RLN2: variants seen among roughly 807,000 people sequenced by gnomAD.
RLN2 encodes prorelaxin H2.
RLN2 carries 10 observed loss-of-function variants against 7.3 expected under a neutral mutation model. The ratio of observed to expected loss-of-function variants is 1.36; its 90% CI spans 0.84 to 2.31. RLN2 has a LOEUF of 2.31. Among genes scored for constraint, RLN2 ranks in the 30% most tolerant of loss-of-function variants. The pLI, the probability that RLN2 is intolerant of heterozygous loss-of-function variation, is 0.00. For synonymous variants in RLN2, 103 were observed against 82.3 expected (o/e 1.25, Z -1.36); for missense variants, 298 against 217.6 (o/e 1.37, Z -2.32).
At chr9:5,328,897 C>T in the RLN2 span, among the ~76,000 whole-genome samples, 9 of 152,110 alleles carry the variant, frequency 5.9e-5, no homozygotes, top group Non-Finnish European at 8.8e-5. Flanking sequence ...GATTTTGTCA[C>T]CATCAGGGCT....
chr9:5,311,900 T>C, the RLN2 span, among the ~76,000 whole-genome samples: 1 of 152,000 alleles, frequency 6.6e-6, no homozygotes, highest in Non-Finnish European at 1.5e-5. Context: ...TATGTATACA[T>C]GTGCCATGCT....
chr9:5,334,800 G>T, the RLN2 span, among the ~76,000 whole-genome samples: 1 of 152,148 alleles, frequency 6.6e-6, no homozygotes, highest in South Asian at 2.1e-4. Context: ...CCAAACTGAT[G>T]GTTTGCAATG....
At chr9:5,332,637 T>C in the RLN2 span, among the ~76,000 whole-genome samples, 1 of 151,256 alleles carries the variant, frequency 6.6e-6, no homozygotes, top group Admixed American at 6.6e-5. Context: ...TTTTTTTTAA[T>C]GTGATACAGT....
intron 1 of RLN2, among the ~76,000 whole-genome samples, chr9:5,301,218 G>A (rs1816121971): frequency 6.6e-6 from 1 of 152,192 alleles, no homozygotes; most frequent in Admixed American, 6.5e-5. Context: ...TGCAAGATCT[G>A]TGTGTCTCCT....
At chr9:5,301,771 G>A (rs970654174) in intron 1 of RLN2, among the ~76,000 whole-genome samples, 3 of 152,126 alleles carry the variant, frequency 2.0e-5, no homozygotes, top group South Asian at 2.1e-4. Flanking sequence ...TTTCTGGCAA[G>A]AGATTCAGTT....
chr9:5,333,754 C>G, the RLN2 span, among the ~76,000 whole-genome samples: 3 of 151,926 alleles, frequency 2.0e-5, no homozygotes, highest in Non-Finnish European at 4.4e-5. Context: ...TGATGAACAT[C>G]GATGCAAAAA....
At chr9:5,334,897 A>C in the RLN2 span, 1 of 173,072 alleles carries the variant, frequency 5.8e-6, no homozygotes, top group African/African-American at 2.4e-5. Flanking sequence ...TCTAAGAGTT[A>C]ATATCAATAA....
At chr9:5,318,656 G>C in the RLN2 span, among the ~76,000 whole-genome samples, 1 of 151,782 alleles carries the variant, frequency 6.6e-6, no homozygotes, top group East Asian at 1.9e-4. Flanking sequence ...CTTACCTATT[G>C]ATTGGTAAGA....
chr9:5,322,659 T>C, the RLN2 span, among the ~76,000 whole-genome samples: 1 of 151,944 alleles, frequency 6.6e-6, no homozygotes, highest in Non-Finnish European at 1.5e-5. Flanking sequence ...CTGGCATTTC[T>C]TCTCCACTGC....
the RLN2 span, among the ~76,000 whole-genome samples, chr9:5,318,575 T>C: frequency 6.6e-6 from 1 of 151,998 alleles, no homozygotes; most frequent in Non-Finnish European, 1.5e-5. Context: ...TTAATGTTTT[T>C]ACTCAGCAAC....
the RLN2 span, among the ~76,000 whole-genome samples, chr9:5,317,237 T>A: frequency 6.6e-6 from 1 of 151,922 alleles, no homozygotes; most frequent in Non-Finnish European, 1.5e-5. Context: ...TGAATGTAAA[T>A]GGATTAAATT....
the RLN2 span, among the ~76,000 whole-genome samples, chr9:5,331,518 G>A: frequency 3.3e-5 from 5 of 151,892 alleles, 1 homozygote; most frequent in African/African-American, 1.2e-4. Context: ...TCCTTTGCAG[G>A]GACATGGATG....
chr9:5,330,513 C>A, the RLN2 span, among the ~76,000 whole-genome samples: 1 of 151,190 alleles, frequency 6.6e-6, no homozygotes, highest in East Asian at 1.9e-4. Context: ...TGGCGGGGGC[C>A]TGTAGTCCCA....
At chr9:5,329,904 G>C in the RLN2 span, among the ~76,000 whole-genome samples, 964 of 152,066 alleles carry the variant, frequency 6.3e-3, 8 homozygotes, top group Non-Finnish European at 8.0e-3. Context: ...TCTGCACCAA[G>C]CAGACCTAAT....
chr9:5,312,236 C>T, the RLN2 span, among the ~76,000 whole-genome samples: 1 of 151,946 alleles, frequency 6.6e-6, no homozygotes, highest in African/African-American at 2.4e-5. Flanking sequence ...AAAACAAATT[C>T]GTTTTATGTC....
intron 1 of RLN2, among the ~76,000 whole-genome samples, chr9:5,301,474 G>T (rs139159936): frequency 2.6e-5 from 4 of 152,302 alleles, no homozygotes; most frequent in African/African-American, 9.6e-5. Context: ...AACCTTAACT[G>T]TCCTAATTAT....
chr9:5,328,040 A>G, the RLN2 span, among the ~76,000 whole-genome samples: 1 of 152,156 alleles, frequency 6.6e-6, no homozygotes, highest in East Asian at 1.9e-4. Flanking sequence ...GCAAGGGAAC[A>G]AAACTGGACA....
rs956529692 is a variant in RLN2, at chr9:5,300,407, G to C, written c.249C>G (p.Thr83=). ...VPSFINKDTE[T]INMMSEFVAN... ...CAACAAATTCTGACATCATATTTAT[G>C]GTTTCTGTATCTTTGTTGATGAAGG... The change falls in exon 2 of 2, where the codon ACC becomes ACG. Residue 83 remains threonine (T), a synonymous_variant. Coordinates refer to ENST00000381627, the MANE Select transcript of RLN2 (RefSeq NM_134441.3). The C allele has an allele frequency of 3.7e-6, 6 of 1,609,858 alleles. No homozygotes were observed. The highest frequency in any genetic ancestry group is 5.1e-6 in the Non-Finnish European group (6 of 1,178,724).
chr9:5,330,646 A>AG, the RLN2 span, among the ~76,000 whole-genome samples: 1 of 150,024 alleles, frequency 6.7e-6, no homozygotes, highest in African/African-American at 2.4e-5. Context: ...TCAAAAAAAA[A>AG]AAAAAAAAAG....
Sources: gnomAD v4.1 joint callset for allele counts (sites outside exome capture counted in the v4.1 genomes callset) on GRCh38, gnomAD v4.1.1 for gene constraint, MANE v1.5 for transcripts, NCBI Gene and HGNC (gene_info 2026-07-23, HGNC 2026-07-21) for gene names.